DENND1B: variants seen among roughly 807,000 people sequenced by gnomAD.
The protein encoded by DENND1B is DENN domain containing 1B, also known as DENN domain-containing protein 1B.
Under a neutral mutation model 90.1 loss-of-function variants are expected in DENND1B, and 59 were observed. That is an observed-to-expected ratio of 0.65 (90% confidence interval 0.53 to 0.81). DENND1B has a LOEUF of 0.81. Among genes scored for constraint, DENND1B ranks in the 40% least tolerant of loss-of-function variants. DENND1B has a pLI of 0.00. For missense variants in DENND1B, 862 were observed against 912.6 expected (o/e 0.94, Z 0.71); for synonymous variants, 337 against 324.6 (o/e 1.04, Z -0.41).
chr1:197,725,259 G>A (rs960358949), intron 2 of DENND1B, among the ~76,000 whole-genome samples: 3 of 152,044 alleles, frequency 2.0e-5, no homozygotes, highest in East Asian at 3.9e-4. Flanking sequence ...TTATTACATC[G>A]ACAGCAGACT....
At chr1:197,565,589 T>C (rs1483834284) in intron 15 of DENND1B, among the ~76,000 whole-genome samples, 2 of 151,208 alleles carry the variant, frequency 1.3e-5, no homozygotes, top group Non-Finnish European at 2.9e-5. Context: ...GCTGCACCCA[T>C]TAACTCGTCA....
Position 197,553,011 on chromosome 1 carries a change from C to T in DENND1B, c.1240+11G>A. On this transcript the variant is annotated intron_variant, in intron 16 of 22. Coordinates refer to ENST00000620048, the MANE Select transcript of DENND1B (RefSeq NM_001195215.2). ...GAGAAAATGGATAATCATATTGTAACTTGTCTTTACCTCCACAAAAGCCAC... is the reference window on the plus strand; with the variant it reads ...GAGAAAATGGATAATCATATTGTAATTTGTCTTTACCTCCACAAAAGCCAC... 6.4e-7 allele frequency: 1 copy of T among 1,570,650 alleles called. No individual in the cohort carries two copies. Among genetic ancestry groups the T allele is most frequent in the Non-Finnish European group, 8.6e-7 (1 of 1,166,134 alleles).
intron 15 of DENND1B, among the ~76,000 whole-genome samples, chr1:197,569,269 G>C (rs113159413): frequency 1.3e-5 from 2 of 152,000 alleles, no homozygotes; most frequent in Non-Finnish European, 2.9e-5. Context: ...AAAAAGACAA[G>C]AGGTAAGTTT....
intron 20 of DENND1B, among the ~76,000 whole-genome samples, chr1:197,519,032 T>C (rs895266455): frequency 7.9e-5 from 12 of 151,958 alleles, no homozygotes; most frequent in African/African-American, 2.9e-4. Flanking sequence ...CTGACGGTAA[T>C]GCAAATGTTT....
chr1:197,573,090 G>C (rs1398509518), intron 15 of DENND1B, among the ~76,000 whole-genome samples: 2 of 152,020 alleles, frequency 1.3e-5, no homozygotes, highest in African/African-American at 4.8e-5. Flanking sequence ...CAAAAAACCA[G>C]CTCCTGGATT....
chr1:197,603,277 CTATAA>C (rs989905503), intron 13 of DENND1B, among the ~76,000 whole-genome samples: 1 of 151,300 alleles, frequency 6.6e-6, no homozygotes, highest in African/African-American at 2.4e-5. Context: ...AAGTAAGCTT[CTATAA>C]TATATTTTAA....
At chr1:197,612,738 T>C (rs1677290966) in intron 11 of DENND1B, among the ~76,000 whole-genome samples, 1 of 150,694 alleles carries the variant, frequency 6.6e-6, no homozygotes, top group Admixed American at 6.6e-5. Context: ...GTGCCAGGCC[T>C]TAGGGTAGAA....
Position 197,545,982 on chromosome 1 carries a change from A to G in DENND1B, c.1290T>C (p.Gly430=). The change falls in exon 18 of 23, where the codon GGT becomes GGC. Residue 430 remains glycine, a synonymous_variant. Coordinates refer to ENST00000620048, the MANE Select transcript of DENND1B (RefSeq NM_001195215.2). Reference sequence around the variant, plus strand: ...TGGTCATTGCTGTGTTGAACAGTGCACCTCCTTTCTGCAAAAGAAAAACAG... The same window carrying G: ...TGGTCATTGCTGTGTTGAACAGTGCGCCTCCTTTCTGCAAAAGAAAAACAG... The part of the protein sequence containing the change: ...QQWVHTVKKG[G]ALFNTAMTKA... 1.2e-6 allele frequency: 2 copies of G among 1,600,504 alleles called. No homozygotes were observed. Among genetic ancestry groups the G allele is most frequent in the Non-Finnish European group, 1.7e-6 (2 of 1,176,710 alleles).
chr1:197,567,086 T>C (rs528308638), intron 15 of DENND1B, among the ~76,000 whole-genome samples: 1 of 151,956 alleles, frequency 6.6e-6, no homozygotes, highest in Non-Finnish European at 1.5e-5. Context: ...GAACATTAGA[T>C]TCTGAAAAAT....
At chr1:197,751,167 G>A (rs1000620985) in intron 2 of DENND1B, among the ~76,000 whole-genome samples, 1 of 152,120 alleles carries the variant, frequency 6.6e-6, no homozygotes, top group South Asian at 2.1e-4. Context: ...TTTTAACCAA[G>A]ATAGACCACC....
At chr1:197,692,339 T>C (rs1192173186) in intron 3 of DENND1B, among the ~76,000 whole-genome samples, 1 of 151,840 alleles carries the variant, frequency 6.6e-6, no homozygotes, top group Non-Finnish European at 1.5e-5. Flanking sequence ...CTCCTAAATA[T>C]ATACCATTTT....
intron 15 of DENND1B, among the ~76,000 whole-genome samples, chr1:197,557,461 T>C (rs1032161641): frequency 2.0e-5 from 3 of 151,934 alleles, no homozygotes; most frequent in Admixed American, 1.3e-4. Flanking sequence ...TTACTGATTA[T>C]GCATTTTTGA....
chr1:197,658,037 C>T (rs1452125006), intron 6 of DENND1B, among the ~76,000 whole-genome samples: 1 of 152,106 alleles, frequency 6.6e-6, no homozygotes, highest in Non-Finnish European at 1.5e-5. Flanking sequence ...ATATGAGATA[C>T]ATAGACTATT....
intron 10 of DENND1B, among the ~76,000 whole-genome samples, chr1:197,637,264 T>C (rs945929981): frequency 2.6e-5 from 4 of 152,148 alleles, no homozygotes; most frequent in Admixed American, 2.0e-4. Context: ...CTTGGTAAAC[T>C]GAAATCATCC....
intron 2 of DENND1B, among the ~76,000 whole-genome samples, chr1:197,770,631 A>AAAATATATATCTAT (rs1159624461): frequency 1.1e-4 from 10 of 91,428 alleles, no homozygotes; most frequent in Non-Finnish European, 2.0e-4. Context: ...AATATATATA[A>AAAATATATATCTAT]AAATATATAT....
intron 2 of DENND1B, among the ~76,000 whole-genome samples, chr1:197,740,419 T>A (rs1663109672): frequency 6.6e-6 from 1 of 151,882 alleles, no homozygotes; most frequent in Non-Finnish European, 1.5e-5. Context: ...GGCAGAGGGA[T>A]GAATAAAAAA....
chr1:197,601,564 T>C (rs994178090), intron 13 of DENND1B, among the ~76,000 whole-genome samples: 1 of 150,952 alleles, frequency 6.6e-6, no homozygotes, highest in Non-Finnish European at 1.5e-5. Flanking sequence ...GAAAGAAGCA[T>C]GGGAGGAAGA....
chr1:197,569,643 CA>C (rs1379960542), intron 15 of DENND1B, among the ~76,000 whole-genome samples: 1 of 151,688 alleles, frequency 6.6e-6, no homozygotes, highest in African/African-American at 2.4e-5. Context: ...CTGTCAACTG[CA>C]ACAACATGAT....
chr1:197,771,194 G>T (rs899904699), intron 2 of DENND1B, among the ~76,000 whole-genome samples: 1 of 152,098 alleles, frequency 6.6e-6, no homozygotes, highest in Non-Finnish European at 1.5e-5. Flanking sequence ...TTATAGGCGT[G>T]AGCCACCGTG....
Sources: allele counts gnomAD v4.1 joint callset (sites outside exome capture counted in the v4.1 genomes callset), GRCh38; gene constraint gnomAD v4.1.1; transcripts MANE v1.5; gene names NCBI Gene and HGNC (gene_info 2026-07-23, HGNC 2026-07-21).